The following SRCIN1 variants were observed in gnomAD, a reference collection of about 807,000 sequenced individuals.
SRCIN1 encodes the protein SRC kinase signaling inhibitor 1.
Under a neutral mutation model 116.2 loss-of-function variants are expected in SRCIN1, and 50 were observed. The observed-to-expected ratio is 0.43, with a 90% CI of 0.34 to 0.54. SRCIN1 has a LOEUF of 0.54. SRCIN1 is among the 20% of genes least tolerant of loss of function. The probability of loss-of-function intolerance (pLI) is 0.02; values close to 1 mark genes in which losing one functional copy is unlikely to be tolerated. For missense variants in SRCIN1, 1,446 were observed against 1,672.0 expected, an observed-to-expected ratio of 0.86 and a Z score of 2.36; for synonymous variants, 736 against 750.0, an observed-to-expected ratio of 0.98 and a Z score of 0.30.
At chr17:38,557,047 G>A (rs972922027) in intron 11 of SRCIN1, among the ~76,000 whole-genome samples, 1 of 152,156 alleles carries the variant, frequency 6.6e-6, no homozygotes, top group Non-Finnish European at 1.5e-5. Flanking sequence ...TGGAGATCTG[G>A]CTGGAGTCCT....
At chr17:38,570,259 A>G (rs533436283) in intron 2 of SRCIN1, among the ~76,000 whole-genome samples, 2 of 152,252 alleles carry the variant, frequency 1.3e-5, no homozygotes, top group Non-Finnish European at 2.9e-5. Flanking sequence ...ACTCATACAC[A>G]AACGTGTTTG....
intron 18 of SRCIN1, among the ~76,000 whole-genome samples, chr17:38,543,512 C>T (rs531960394): frequency 1.3e-5 from 2 of 152,324 alleles, no homozygotes; most frequent in South Asian, 2.1e-4. Flanking sequence ...CAAACTCGCT[C>T]GCTCGCCCCT....
At chr17:38,586,641 T>C (rs571886928) in intron 1 of SRCIN1, among the ~76,000 whole-genome samples, 3 of 152,190 alleles carry the variant, frequency 2.0e-5, no homozygotes, top group South Asian at 4.1e-4. Context: ...CTTCCCAAGC[T>C]CCACAGAAGC....
chr17:38,597,209 T>C (rs1273212683), intron 1 of SRCIN1, among the ~76,000 whole-genome samples: 1 of 152,212 alleles, frequency 6.6e-6, no homozygotes, highest in Non-Finnish European at 1.5e-5. Flanking sequence ...TTAAGAATGC[T>C]CATTGATGTG....
intron 2 of SRCIN1, among the ~76,000 whole-genome samples, chr17:38,570,263 G>A (rs766078970): frequency 6.6e-6 from 1 of 152,090 alleles, no homozygotes; most frequent in Non-Finnish European, 1.5e-5. Context: ...ATACACAAAC[G>A]TGTTTGGCTC....
intron 1 of SRCIN1, 68 bp from the exon 2 acceptor site, chr17:38,578,859 G>A (rs946945398): frequency 2.8e-6 from 4 of 1,426,196 alleles, no homozygotes; most frequent in African/African-American, 1.5e-5. Flanking sequence ...ATCCCCCAAG[G>A]GGGTCCCTGC....
intron 14 of SRCIN1, 154 bp downstream of exon 14, chr17:38,551,732 C>G (rs1326814818): frequency 8.0e-7 from 1 of 1,244,730 alleles, no homozygotes; most frequent in African/African-American, 1.5e-5. Flanking sequence ...CTAATGTCAC[C>G]CTCATTATGC....
intron 4 of SRCIN1, 47 bp downstream of exon 4, chr17:38,564,071 A>G (rs1597906651): frequency 1.5e-6 from 2 of 1,353,046 alleles, no homozygotes; most frequent in Non-Finnish European, 1.9e-6. Context: ...TGAAGAGCAG[A>G]GGGAGGAGCC....
rs762674857 is a variant in SRCIN1, at chr17:38,533,419, A to C, written c.3430T>G (p.Ser1144Ala). ...TCATTCGACCCGCTCATCTCTTTAG[A>C]TGGTTTAGTGGCCTGGAACAAAAAC... ...IQAQQQATKP[S>A]KEMSGSNETS... Residue 1144 changes from serine (S) to alanine (A), a missense_variant, in exon 19 of 19, where the codon TCT becomes GCT. Physicochemically the swap from Ser to Ala is moderately conservative, Grantham distance 99 (BLOSUM62 1). Coordinates refer to ENST00000617146, the MANE Select transcript of SRCIN1 (RefSeq NM_025248.3). 51 of 1,613,164 alleles carry C rather than the reference A, an allele frequency of 3.2e-5. No homozygotes were observed. The highest frequency in any genetic ancestry group is 3.8e-5 in the Non-Finnish European group (45 of 1,179,680).
chr17:38,580,551 C>CTA (rs1050457286), intron 1 of SRCIN1, among the ~76,000 whole-genome samples: 2 of 152,226 alleles, frequency 1.3e-5, no homozygotes, highest in Non-Finnish European at 2.9e-5. Context: ...ACTGACAAGC[C>CTA]TAAAGCAACA....
At chr17:38,569,005 C>G (rs1391548224) in intron 2 of SRCIN1, among the ~76,000 whole-genome samples, 2 of 152,000 alleles carry the variant, frequency 1.3e-5, no homozygotes, top group Non-Finnish European at 2.9e-5. Context: ...ATCTAGTTTA[C>G]AGAGCAGAGT....
In SRCIN1 at chr17:38,561,998, G is replaced by A; in HGVS notation, c.1165C>T (p.Leu389=). The A allele has an allele frequency of 6.7e-7, 1 of 1,494,676 alleles. No homozygotes were observed. The highest frequency in any genetic ancestry group is 8.8e-7 in the Non-Finnish European group (1 of 1,130,148). The allele number at this position is 1,494,676 out of a possible 1,614,324, so 92.6% of individuals were successfully genotyped here. A position where few individuals can be genotyped will look rare whatever the true frequency, so the allele number is the denominator to read the frequency against. Residue 389 remains leucine, a synonymous_variant, in exon 7 of 19, where the codon CTG becomes TTG. Coordinates refer to ENST00000617146, the MANE Select transcript of SRCIN1 (RefSeq NM_025248.3). ...DLASKAGGMV[L]VKGEGLYADP... is the part of the protein sequence containing the mutation. ...GCATAGAGGCCCTCGCCTTTCACCAGCACCATGCCGCCCGCCTTGCTCGCC... is the reference window on the plus strand; with the variant it reads ...GCATAGAGGCCCTCGCCTTTCACCAACACCATGCCGCCCGCCTTGCTCGCC...
At chr17:38,555,076 G>A (rs1905697202) in intron 11 of SRCIN1, among the ~76,000 whole-genome samples, 1 of 152,198 alleles carries the variant, frequency 6.6e-6, no homozygotes, top group African/African-American at 2.4e-5. Context: ...CTTACTGTAT[G>A]CCAGGTGCCA....
intron 15 of SRCIN1, among the ~76,000 whole-genome samples, chr17:38,549,883 A>C (rs915081881): frequency 6.6e-6 from 1 of 152,112 alleles, no homozygotes; most frequent in African/African-American, 2.4e-5. Context: ...CATGCCACAC[A>C]CACACCTTCA....
In SRCIN1 at chr17:38,532,637, G is replaced by A. The variant is rs751826696; in HGVS notation, c.*660C>T. ...CCCACCCTGAGGCCTCTCAAACTCC[G>A]GCCTCGTCTCCAGCCTGTCCGTCTC... On this transcript the variant is annotated 3_prime_UTR_variant, in exon 19 of 19. Coordinates refer to ENST00000617146, the MANE Select transcript of SRCIN1 (RefSeq NM_025248.3). This position sits in a 1 kb window ranked among gnomAD's most constrained non-coding sequence, Gnocchi z 4.3. 2.0e-5 allele frequency: 3 copies of A among 152,256 alleles called. No homozygotes were observed. The highest frequency in any genetic ancestry group is 2.9e-5 in the Non-Finnish European group (2 of 68,116). The allele number at this position is 152,256 out of a possible 1,614,324, so 9.4% of individuals were successfully genotyped here.
intron 7 of SRCIN1, among the ~76,000 whole-genome samples, chr17:38,561,085 C>T (rs1381851011): frequency 6.6e-6 from 1 of 152,188 alleles, no homozygotes; most frequent in Non-Finnish European, 1.5e-5. Flanking sequence ...TCAGCTGTCC[C>T]GGTGCTGGAC....
intron 18 of SRCIN1, among the ~76,000 whole-genome samples, chr17:38,537,916 A>G (rs1403490484): frequency 6.6e-6 from 1 of 151,630 alleles, no homozygotes; most frequent in Non-Finnish European, 1.5e-5. Flanking sequence ...CCTGGCCAAC[A>G]TGGTGAAACC....
intron 14 of SRCIN1, 72 bp from the exon 15 acceptor site, chr17:38,551,461 C>T: frequency 2.3e-6 from 3 of 1,312,558 alleles, no homozygotes; most frequent in Middle Eastern, 1.9e-4. Flanking sequence ...TCAGCCTCCT[C>T]CCCCAAGCCA....
chr17:38,535,076 G>A (rs916552883), intron 18 of SRCIN1, among the ~76,000 whole-genome samples: 1 of 152,190 alleles, frequency 6.6e-6, no homozygotes, highest in African/African-American at 2.4e-5. Flanking sequence ...AAGTGGCAGT[G>A]AGCCATGACT....
Sources: allele counts gnomAD v4.1 joint callset (sites outside exome capture counted in the v4.1 genomes callset), GRCh38; gene constraint gnomAD v4.1.1; non-coding constraint Gnocchi (gnomAD v3.1); transcripts MANE v1.5; gene names NCBI Gene and HGNC (gene_info 2026-07-23, HGNC 2026-07-21).